The following LRBA variants were observed in gnomAD, a reference collection of about 807,000 sequenced individuals.
LRBA encodes the protein lipopolysaccharide-responsive and beige-like anchor protein.
In LRBA, 176 loss-of-function variants were observed where a neutral mutation model predicts 330.0. The observed-to-expected ratio is 0.53, with a 90% confidence interval of 0.47 to 0.60. The LOEUF (loss-of-function observed/expected upper bound fraction) is 0.60. Ranked by LOEUF, LRBA falls within the 20% of genes least tolerant of loss-of-function variation. The pLI is 0.00. For missense variants in LRBA, 3,259 were observed against 3,444.8 expected (o/e 0.95, Z 1.35); for synonymous variants, 1,230 against 1,193.0 (o/e 1.03, Z -0.64).
intron 2 of LRBA, among the ~76,000 whole-genome samples, chr4:150,964,622 C>CA (rs1476101597): frequency 6.6e-6 from 1 of 151,440 alleles, no homozygotes; most frequent in Non-Finnish European, 1.5e-5. Flanking sequence ...TGCTTGAAGG[C>CA]AGCATACTCG....
intron 52 of LRBA, among the ~76,000 whole-genome samples, chr4:150,307,908 G>T (rs1256102628): frequency 6.6e-6 from 1 of 152,070 alleles, no homozygotes; most frequent in Non-Finnish European, 1.5e-5. Flanking sequence ...GAATAAAGAT[G>T]CAAACTATAA....
intron 37 of LRBA, among the ~76,000 whole-genome samples, chr4:150,600,096 G>A (rs1773966148): frequency 6.6e-6 from 1 of 151,402 alleles, no homozygotes; most frequent in South Asian, 2.1e-4. Context: ...CTAGCATGCT[G>A]GAAAAATATT....
chr4:150,618,848 GTA>G (rs34589903), intron 37 of LRBA, among the ~76,000 whole-genome samples: 12,705 of 146,002 alleles, frequency 0.087, 555 homozygotes, highest in Non-Finnish European at 0.11. Context: ...ATGTGTGTAT[GTA>G]TATATATATA....
At chr4:150,491,092 T>G in intron 40 of LRBA, 57 bp from the exon 41 acceptor site, 1 of 787,538 alleles carries the variant, frequency 1.3e-6, no homozygotes, top group Non-Finnish European at 2.0e-6. Flanking sequence ...TTGTTGTTGT[T>G]TCTTTCCCCA....
At chr4:150,513,400 G>A (rs1197160759) in intron 40 of LRBA, among the ~76,000 whole-genome samples, 1 of 152,208 alleles carries the variant, frequency 6.6e-6, no homozygotes, top group East Asian at 1.9e-4. Flanking sequence ...ACTGCCCATT[G>A]TAAAAATTTT....
intron 42 of LRBA, among the ~76,000 whole-genome samples, chr4:150,482,185 T>G (rs576874986): frequency 2.6e-5 from 4 of 152,110 alleles, no homozygotes; most frequent in Non-Finnish European, 5.9e-5. Flanking sequence ...CTCCCTTGTA[T>G]GCAATTCTTC....
At chr4:150,800,190 A>G (rs1741398395) in intron 33 of LRBA, among the ~76,000 whole-genome samples, 1 of 152,268 alleles carries the variant, frequency 6.6e-6, no homozygotes, top group Non-Finnish European at 1.5e-5. Context: ...TCAGGAAAAA[A>G]TATATTCACT....
rs916122589 is a variant in LRBA at position 150,848,954 on chromosome 4, T to C, written c.4203A>G (p.Glu1401=). Residue 1401 remains glutamate, a synonymous_variant, in exon 26 of 57, where the codon GAA becomes GAG. Coordinates refer to ENST00000651943, the MANE Select transcript of LRBA (RefSeq NM_001364905.1). The stretch of plus-strand genomic sequence containing the variant: ...GCCTCTGCAAAAATGTCACAGAGGC[T>C]TCTATTGAAAGGCCTTGAGTAGGTT... ...NIEPTQGLSI[E]ASVTFLQRLI... The C allele has an allele frequency of 3.0e-5, 49 of 1,611,822 alleles. No individual in the cohort carries two copies. The highest frequency in any genetic ancestry group is 4.0e-5 in the Non-Finnish European group (47 of 1,179,052).
At chr4:150,449,768 G>A (rs1753121994) in intron 44 of LRBA, among the ~76,000 whole-genome samples, 1 of 152,048 alleles carries the variant, frequency 6.6e-6, no homozygotes, top group Non-Finnish European at 1.5e-5. Flanking sequence ...ATAAGAAGAA[G>A]CATATACTTC....
At chr4:150,581,925 G>A (rs1771402956) in intron 40 of LRBA, 1 of 151,138 alleles carries the variant, frequency 6.6e-6, no homozygotes. Context: ...AAACAGCGAG[G>A]GAGAGAGAGA....
intron 34 of LRBA, among the ~76,000 whole-genome samples, chr4:150,769,260 C>G (rs1736214041): frequency 6.6e-6 from 1 of 151,936 alleles, no homozygotes; most frequent in Non-Finnish European, 1.5e-5. Context: ...ACTGCTATTT[C>G]TATGCCCCGG....
Position 150,803,442 on chromosome 4 carries a change from T to G in LRBA, c.5518+2829A>C, listed in dbSNP as rs140458192. Among the ~76,000 whole-genome samples, 903 of 152,220 alleles carry G rather than the reference T, an allele frequency of 5.9e-3. 13 individuals carry two copies. Among genetic ancestry groups the G allele is most frequent in the African/African-American group, 0.021 (859 of 41,556 alleles). ...ATAGATACTATACTTACTACTTTTGTGAAAATTTGAAATTTTCATTAAAAT... is the reference window on the plus strand; with the variant it reads ...ATAGATACTATACTTACTACTTTTGGGAAAATTTGAAATTTTCATTAAAAT... On this transcript the variant is annotated intron_variant, in intron 33 of 56. Transcript: ENST00000651943.
At chr4:150,777,999 A>C (rs969167862) in intron 34 of LRBA, among the ~76,000 whole-genome samples, 1 of 141,932 alleles carries the variant, frequency 7.0e-6, no homozygotes, top group African/African-American at 2.6e-5. Context: ...AAAAAAAAAA[A>C]CTAGGCAAAA....
At chr4:150,662,855 G>A (rs1305391153) in intron 37 of LRBA, among the ~76,000 whole-genome samples, 1 of 152,120 alleles carries the variant, frequency 6.6e-6, no homozygotes, top group Non-Finnish European at 1.5e-5. Context: ...TACTCAGGAG[G>A]CTGAGGCAAG....
intron 47 of LRBA, among the ~76,000 whole-genome samples, chr4:150,354,096 A>T (rs1184208203): frequency 6.6e-6 from 1 of 152,146 alleles, no homozygotes; most frequent in Non-Finnish European, 1.5e-5. Flanking sequence ...ACAGGCAGGA[A>T]GAAATTAAGG....
chr4:150,580,507 A>G (rs927791073), intron 40 of LRBA: 1 of 152,192 alleles, frequency 6.6e-6, no homozygotes, highest in Non-Finnish European at 1.5e-5. Flanking sequence ...AGCCCTCCCA[A>G]GGGGTTTTGA....
chr4:150,986,958 C>T (rs934484966), intron 2 of LRBA, among the ~76,000 whole-genome samples: 6 of 152,194 alleles, frequency 3.9e-5, no homozygotes, highest in African/African-American at 9.6e-5. Flanking sequence ...ATATTCCATT[C>T]GACCAACAAT....
chr4:150,413,664 G>A (rs1479592480), intron 47 of LRBA, among the ~76,000 whole-genome samples: 1 of 152,166 alleles, frequency 6.6e-6, no homozygotes, highest in Non-Finnish European at 1.5e-5. Flanking sequence ...GAAACTTTTT[G>A]TACTCGTGAG....
chr4:150,844,661 C>T lies in LRBA; in HGVS notation c.4458G>A (p.Ala1486=), dbSNP rs191487039. Residue 1486 remains alanine (A), a synonymous_variant, in exon 27 of 57, where the codon GCG becomes GCA. Transcript: ENST00000651943. Reference sequence around the variant, plus strand: ...ATTAATTAATCTGTATACTTACCTTCGCTGCAGATTTCCCTAAAGGAATAA... The same window carrying T: ...ATTAATTAATCTGTATACTTACCTTTGCTGCAGATTTCCCTAAAGGAATAA... ...HSLIPLGKSA[A]KSPVDIVTGG... 32 of 1,610,922 alleles carry T rather than the reference C, an allele frequency of 2.0e-5. No homozygotes were observed. In the East Asian group the frequency reaches 4.0e-4, roughly 20 times the overall value.
Sources: gnomAD v4.1 joint callset for allele counts (sites outside exome capture counted in the v4.1 genomes callset) on GRCh38, gnomAD v4.1.1 for gene constraint, MANE v1.5 for transcripts, NCBI Gene and HGNC (gene_info 2026-07-23, HGNC 2026-07-21) for gene names.